Variants in RFX4 observed in about 807,000 individuals in gnomAD.
RFX4 encodes regulatory factor X4.
A neutral mutation model predicts 95.0 loss-of-function variants in RFX4; 10 were observed. The observed-to-expected ratio is 0.11, with a 90% CI of 0.06 to 0.18. The LOEUF (loss-of-function observed/expected upper bound fraction) is 0.18. Ranked by LOEUF, RFX4 falls within the 10% of genes least tolerant of loss-of-function variation. The pLI is 1.00. For synonymous variants in RFX4, 321 were observed against 340.7 expected (o/e 0.94, Z 0.64); for missense variants, 640 against 922.0 (o/e 0.69, Z 3.96).
At chr12:106,696,574 T>A in intron 8 of RFX4, 128 bp downstream of exon 8, 18 of 798,118 alleles carry the variant, frequency 2.3e-5, no homozygotes, top group Non-Finnish European at 3.3e-5. Flanking sequence ...ATATTGAACT[T>A]TTAAATATTA....
chr12:106,646,007 C>T (rs75068412), intron 3 of RFX4: 31,422 of 1,193,344 alleles, frequency 0.026, 504 homozygotes, highest in Non-Finnish European at 0.03. Flanking sequence ...TGTTGTGGAA[C>T]CACAACTTTT....
At chr12:106,665,180 A>G (rs2041151837) in intron 4 of RFX4, among the ~76,000 whole-genome samples, 1 of 151,894 alleles carries the variant, frequency 6.6e-6, no homozygotes, top group South Asian at 2.1e-4. Context: ...TGTTAGGCAC[A>G]TGTATATTAA....
chr12:106,601,095 C>G (rs976325522), intron 1 of RFX4: 1 of 1,387,356 alleles, frequency 7.2e-7, no homozygotes, highest in East Asian at 2.6e-5. Flanking sequence ...AGGGCAGGGC[C>G]CCTTCCTGGA....
chr12:106,651,137 T>A (rs1459552517), intron 3 of RFX4, among the ~76,000 whole-genome samples: 1 of 152,118 alleles, frequency 6.6e-6, no homozygotes, highest in African/African-American at 2.4e-5. Context: ...CCTTTCCTTC[T>A]CTCTTTACTC....
intron 13 of RFX4, 151 bp from the exon 14 acceptor site, chr12:106,731,979 C>T (rs2042620521): frequency 9.0e-7 from 1 of 1,112,700 alleles, no homozygotes; most frequent in South Asian, 1.5e-5. Context: ...AGAACTGCAA[C>T]CTATGACCAT....
intron 4 of RFX4, among the ~76,000 whole-genome samples, chr12:106,671,742 A>G (rs531564110): frequency 2.0e-5 from 3 of 152,138 alleles, no homozygotes; most frequent in African/African-American, 7.2e-5. Flanking sequence ...GCTCACTGCA[A>G]CTTCCGCCTC....
chr12:106,607,250 A>G (rs2039855458), intron 1 of RFX4, among the ~76,000 whole-genome samples: 1 of 152,234 alleles, frequency 6.6e-6, no homozygotes, highest in Admixed American at 6.5e-5. Flanking sequence ...TTACTGGAAA[A>G]ATAAGCTTAG....
intron 8 of RFX4, among the ~76,000 whole-genome samples, chr12:106,703,853 G>T (rs2042034158): frequency 6.6e-6 from 1 of 151,992 alleles, no homozygotes; most frequent in Non-Finnish European, 1.5e-5. Flanking sequence ...ATCACTCAAG[G>T]CCAGGAGTCT....
intron 4 of RFX4, among the ~76,000 whole-genome samples, chr12:106,659,609 G>C (rs1406413953): frequency 6.6e-6 from 1 of 152,144 alleles, no homozygotes; most frequent in Non-Finnish European, 1.5e-5. Flanking sequence ...TGTATACCTG[G>C]TACTGTTCTA....
intron 13 of RFX4, among the ~76,000 whole-genome samples, chr12:106,727,640 G>C (rs1245143795): frequency 6.7e-6 from 1 of 150,214 alleles, no homozygotes; most frequent in Non-Finnish European, 1.5e-5. Flanking sequence ...TTTTTTTTGA[G>C]ACAGAGTCTT....
intron 17 of RFX4, among the ~76,000 whole-genome samples, chr12:106,754,428 G>A (rs573873389): frequency 2.6e-5 from 4 of 152,276 alleles, no homozygotes; most frequent in African/African-American, 4.8e-5. Flanking sequence ...CTAGCCACTG[G>A]GAGTACAGTG....
chr12:106,609,841 C>T (rs1224029327), intron 2 of RFX4, among the ~76,000 whole-genome samples: 4 of 152,096 alleles, frequency 2.6e-5, no homozygotes, highest in Non-Finnish European at 5.9e-5. Flanking sequence ...CATGTCTCCT[C>T]CCTGTCAATC....
chr12:106,762,234 A>G lies in RFX4; in HGVS notation c.*765A>G, dbSNP rs1426545781. The G allele has an allele frequency of 6.6e-6, 1 of 152,502 alleles. No homozygotes were observed. Among genetic ancestry groups the G allele is most frequent in the African/African-American group, 2.4e-5 (1 of 41,398 alleles). 9.4% of individuals were successfully genotyped at this position (152,502 alleles called of 1,614,324 possible). On this transcript the variant is annotated 3_prime_UTR_variant, in exon 18 of 18. Coordinates refer to ENST00000392842, the MANE Select transcript of RFX4 (RefSeq NM_213594.3). Reference sequence around the variant, plus strand: ...ATGGCTAGTGTCAGCAAAAGGCAGGAGAGGGTTTTTGTTTTTTTTTTAAGT... The same window carrying G: ...ATGGCTAGTGTCAGCAAAAGGCAGGGGAGGGTTTTTGTTTTTTTTTTAAGT...
chr12:106,598,518 T>G (rs2039652225), intron 1 of RFX4, among the ~76,000 whole-genome samples: 1 of 152,188 alleles, frequency 6.6e-6, no homozygotes, highest in Non-Finnish European at 1.5e-5. Context: ...GGTGGGATTG[T>G]GGGAAAATAT....
In RFX4 at chr12:106,696,456, C is replaced by T; in HGVS notation, c.833+10C>T. 5 of 1,613,886 alleles carry T rather than the reference C, an allele frequency of 3.1e-6. No homozygotes were observed. The highest frequency in any genetic ancestry group is 4.2e-6 in the Non-Finnish European group (5 of 1,179,882). On this transcript the variant is annotated intron_variant, in intron 8 of 17. Coordinates refer to ENST00000392842, the MANE Select transcript of RFX4 (RefSeq NM_213594.3). ...AGGCATTACCTGACAGGTGGGCATG[C>T]TTATTCTTGTCTTCCTTCACGGCTG...
At chr12:106,626,502 C>A (rs765568233) in intron 2 of RFX4, among the ~76,000 whole-genome samples, 1 of 152,090 alleles carries the variant, frequency 6.6e-6, no homozygotes, top group Non-Finnish European at 1.5e-5. Context: ...CACTGAGGGA[C>A]CTGAATTCCA....
At chr12:106,722,976 T>A (rs2042424661) in intron 13 of RFX4, among the ~76,000 whole-genome samples, 1 of 152,230 alleles carries the variant, frequency 6.6e-6, no homozygotes, top group Non-Finnish European at 1.5e-5. Flanking sequence ...ATATATCTTA[T>A]AACTCCCACA....
chr12:106,736,263 C>T (rs1309190127), intron 15 of RFX4, among the ~76,000 whole-genome samples: 1 of 152,204 alleles, frequency 6.6e-6, no homozygotes, highest in Admixed American at 6.5e-5. Flanking sequence ...CAATATTAAG[C>T]TCCCACATAG....
intron 11 of RFX4, 31 bp downstream of exon 11, chr12:106,715,575 G>T: frequency 6.2e-7 from 1 of 1,603,702 alleles, no homozygotes; most frequent in Non-Finnish European, 8.5e-7. Context: ...TTGTTGTCCT[G>T]TTTTTATTTT....
Sources: allele counts gnomAD v4.1 joint callset (sites outside exome capture counted in the v4.1 genomes callset), GRCh38; gene constraint gnomAD v4.1.1; transcripts MANE v1.5; gene names NCBI Gene and HGNC (gene_info 2026-07-23, HGNC 2026-07-21).